ATE1: variants seen among roughly 807,000 people sequenced by gnomAD.
ATE1 encodes arginyltransferase 1, also known as arginyl-tRNA--protein transferase 1.
ATE1 carries 36 observed loss-of-function variants against 70.5 expected under a neutral mutation model. That is an observed-to-expected ratio of 0.51 (90% confidence interval 0.39 to 0.67). ATE1 has a LOEUF of 0.67. ATE1 is among the 30% of genes least tolerant of loss of function. The probability of loss-of-function intolerance (pLI) is 0.00; values close to 1 mark genes in which losing one functional copy is unlikely to be tolerated. For missense variants in ATE1, 593 were observed against 629.5 expected, an observed-to-expected ratio of 0.94 and a Z score of 0.62; for synonymous variants, 232 against 219.3, an observed-to-expected ratio of 1.06 and a Z score of -0.51.
At chr10:121,905,735 C>G (rs1480532629) in intron 5 of ATE1, among the ~76,000 whole-genome samples, 1 of 152,068 alleles carries the variant, frequency 6.6e-6, no homozygotes, top group African/African-American at 2.4e-5. Flanking sequence ...GTCCCAGCTA[C>G]TTGGGAACCT....
intron 10 of ATE1, among the ~76,000 whole-genome samples, chr10:121,806,797 G>A (rs1947115849): frequency 6.6e-6 from 1 of 152,202 alleles, no homozygotes; most frequent in South Asian, 2.1e-4. Flanking sequence ...TGTGCCAGAT[G>A]TTGTTAACTG....
intron 5 of ATE1, among the ~76,000 whole-genome samples, chr10:121,910,161 G>A (rs1951362351): frequency 1.3e-5 from 2 of 152,116 alleles, no homozygotes; most frequent in Admixed American, 6.6e-5. Flanking sequence ...ATTGCAAATG[G>A]AGAATTTTCT....
At chr10:121,879,404 T>G (rs1251151579) in intron 7 of ATE1, among the ~76,000 whole-genome samples, 4 of 152,180 alleles carry the variant, frequency 2.6e-5, no homozygotes, top group African/African-American at 7.2e-5. Context: ...CTAGCACACA[T>G]TACTCTGGCA....
chr10:121,805,165 T>C (rs1217910031), intron 10 of ATE1, among the ~76,000 whole-genome samples: 2 of 152,172 alleles, frequency 1.3e-5, no homozygotes, highest in Non-Finnish European at 1.5e-5. Flanking sequence ...CAAAGTACTT[T>C]TAGCAAAAAT....
At chr10:121,904,131 T>C (rs11200241) in intron 5 of ATE1, among the ~76,000 whole-genome samples, 52,879 of 150,924 alleles carry the variant, frequency 0.35, 9,607 homozygotes, top group Middle Eastern at 0.45. Flanking sequence ...TACAGGTGTG[T>C]GCCACCATGC....
At chr10:121,783,919 T>C (rs1181221034) in intron 11 of ATE1, among the ~76,000 whole-genome samples, 1 of 152,138 alleles carries the variant, frequency 6.6e-6, no homozygotes, top group Non-Finnish European at 1.5e-5. Flanking sequence ...AGGGTCTTGC[T>C]CTCTTTCCCA....
At chr10:121,762,383 C>A (rs966550863) in intron 11 of ATE1, among the ~76,000 whole-genome samples, 1 of 151,720 alleles carries the variant, frequency 6.6e-6, no homozygotes, top group African/African-American at 2.4e-5. Flanking sequence ...ATGTTTAAGT[C>A]TGGCCTCCAA....
At chr10:121,752,683 T>C (rs1158950160) in intron 11 of ATE1, among the ~76,000 whole-genome samples, 1 of 152,232 alleles carries the variant, frequency 6.6e-6, no homozygotes, top group Non-Finnish European at 1.5e-5. Context: ...TGTCTTGGCA[T>C]CCTTTTTGAA....
At chr10:121,860,258 A>G (rs1949420925) in intron 8 of ATE1, among the ~76,000 whole-genome samples, 1 of 152,216 alleles carries the variant, frequency 6.6e-6, no homozygotes, top group Non-Finnish European at 1.5e-5. Flanking sequence ...CAAGGCCACA[A>G]AGCCAATTTA....
At chr10:121,896,781 G>A (rs916365140) in intron 7 of ATE1, among the ~76,000 whole-genome samples, 1 of 117,814 alleles carries the variant, frequency 8.5e-6, no homozygotes, top group African/African-American at 3.4e-5. Flanking sequence ...CCAAGATCAC[G>A]CCACTGCACT....
At position 121,743,498 on chromosome 10, in the gene ATE1, A is replaced by T; in HGVS notation, c.*182T>A. 8.2e-7 allele frequency: 1 copy of T among 1,217,290 alleles called. No homozygotes were observed. Among genetic ancestry groups the T allele is most frequent in the Non-Finnish European group, 1.0e-6 (1 of 956,282 alleles). The allele number at this position is 1,217,290 out of a possible 1,614,324, so 75.4% of individuals were successfully genotyped here. On this transcript the variant is annotated 3_prime_UTR_variant, in exon 12 of 12. Coordinates refer to ENST00000224652, the MANE Select transcript of ATE1 (RefSeq NM_001001976.3). ...GTCATAATGCAGTTTTAAAATCTTT[A>T]TATTAACTATGAGATTCTCACAGAT...
chr10:121,779,013 C>G (rs746753421), intron 11 of ATE1, among the ~76,000 whole-genome samples: 5 of 152,142 alleles, frequency 3.3e-5, no homozygotes, highest in Non-Finnish European at 7.3e-5. Context: ...ATGGCCACAT[C>G]TTGTCATACC....
intron 10 of ATE1, among the ~76,000 whole-genome samples, chr10:121,830,875 C>T (rs892037431): frequency 3.9e-5 from 6 of 152,052 alleles, no homozygotes; most frequent in South Asian, 4.1e-4. Context: ...ATAATGGGAA[C>T]GTAATATATT....
intron 5 of ATE1, among the ~76,000 whole-genome samples, chr10:121,905,308 C>A (rs1399171991): frequency 6.6e-6 from 1 of 152,100 alleles, no homozygotes; most frequent in Non-Finnish European, 1.5e-5. Context: ...TATAAACATT[C>A]CATAAATAGT....
At chr10:121,919,218 A>T (rs924116510) in intron 3 of ATE1, among the ~76,000 whole-genome samples, 3 of 152,096 alleles carry the variant, frequency 2.0e-5, no homozygotes, top group African/African-American at 7.2e-5. Flanking sequence ...CACATTTAAG[A>T]GCTGTAACAC....
intron 11 of ATE1, among the ~76,000 whole-genome samples, chr10:121,767,159 G>A (rs1454679773): frequency 2.0e-5 from 3 of 152,132 alleles, no homozygotes; most frequent in South Asian, 2.1e-4. Flanking sequence ...CATATTAACA[G>A]TTTAAAGAAG....
At chr10:121,924,501 C>A (rs1055758742) in intron 1 of ATE1, among the ~76,000 whole-genome samples, 172 bp from the exon 2 acceptor site, 1 of 152,078 alleles carries the variant, frequency 6.6e-6, no homozygotes, top group Non-Finnish European at 1.5e-5. Flanking sequence ...GAGTTCAAGA[C>A]CAGCCTGGCC....
intron 7 of ATE1, among the ~76,000 whole-genome samples, chr10:121,880,244 G>A (rs1950184681): frequency 6.6e-6 from 1 of 152,100 alleles, no homozygotes; most frequent in African/African-American, 2.4e-5. Flanking sequence ...AAGCAAGTTT[G>A]AATACGCCCA....
intron 3 of ATE1, among the ~76,000 whole-genome samples, chr10:121,915,612 G>A (rs569323065): frequency 2.2e-4 from 33 of 152,238 alleles, no homozygotes; most frequent in African/African-American, 7.5e-4. Context: ...AAGAGAGGCC[G>A]GGCGCCGTGG....
Sources: gnomAD v4.1 joint callset for allele counts (sites outside exome capture counted in the v4.1 genomes callset) on GRCh38, gnomAD v4.1.1 for gene constraint, MANE v1.5 for transcripts, NCBI Gene and HGNC (gene_info 2026-07-23, HGNC 2026-07-21) for gene names.